DOCK2: variants seen among roughly 807,000 people sequenced by gnomAD.
DOCK2 encodes the protein dedicator of cytokinesis protein 2.
In DOCK2, 87 loss-of-function variants were observed where a neutral mutation model predicts 248.9. The observed-to-expected ratio is 0.35, with a 90% confidence interval of 0.29 to 0.42. The LOEUF is 0.42. Among genes scored for constraint, DOCK2 ranks in the 10% least tolerant of loss-of-function variants. The probability of loss-of-function intolerance (pLI) is 1.00; values close to 1 mark genes in which losing one functional copy is unlikely to be tolerated. For synonymous variants in DOCK2, 805 were observed against 821.6 expected, an observed-to-expected ratio of 0.98 and a Z score of 0.35; for missense variants, 1,747 against 2,300.2, an observed-to-expected ratio of 0.76 and a Z score of 4.92.
At chr5:169,995,772 A>T (rs1754598818) in intron 29 of DOCK2, among the ~76,000 whole-genome samples, 2 of 151,902 alleles carry the variant, frequency 1.3e-5, no homozygotes, top group Non-Finnish European at 2.9e-5. Context: ...TTGTTTGGGG[A>T]TGGGGGGGGT....
At chr5:170,008,102 C>A (rs1000431351) in intron 30 of DOCK2, among the ~76,000 whole-genome samples, 2 of 152,024 alleles carry the variant, frequency 1.3e-5, no homozygotes, top group Non-Finnish European at 2.9e-5. Flanking sequence ...CCCTTCGTCA[C>A]CCTCTAATTC....
At position 170,007,661 on chromosome 5, in the gene DOCK2, A is replaced by G. The variant is rs116613544; in HGVS notation, c.3073-836A>G. ...ATCAATATTGCCATCAGTGTGGCTA[A>G]TCTTTTGAGCAGTCACCATGTGCTG... On this transcript the variant is annotated intron_variant, in intron 30 of 51. Transcript: ENST00000520908. Among the ~76,000 whole-genome samples, 1,010 of 152,222 alleles carry G rather than the reference A, an allele frequency of 6.6e-3. 9 individuals carry two copies. The highest frequency in any genetic ancestry group is 0.041 in the Middle Eastern group (12 of 294).
intron 6 of DOCK2, among the ~76,000 whole-genome samples, chr5:169,681,349 C>T (rs186479688): frequency 2.9e-4 from 44 of 151,592 alleles, no homozygotes; most frequent in African/African-American, 1.0e-3. Context: ...GTCTTGAACT[C>T]CTGACCTCAG....
chr5:169,984,656 C>T (rs1018363422), intron 28 of DOCK2, among the ~76,000 whole-genome samples: 1 of 152,220 alleles, frequency 6.6e-6, no homozygotes, highest in Non-Finnish European at 1.5e-5. Context: ...CATGCACACA[C>T]GTGCGCACAC....
chr5:169,808,089 G>A (rs558077799), intron 26 of DOCK2, among the ~76,000 whole-genome samples: 5 of 152,182 alleles, frequency 3.3e-5, no homozygotes, highest in Admixed American at 6.5e-5. Context: ...CAGAGCAAAT[G>A]TTCTGGATTT....
At chr5:169,788,333 A>T (rs1175304175) in intron 25 of DOCK2, among the ~76,000 whole-genome samples, 1 of 148,034 alleles carries the variant, frequency 6.8e-6, no homozygotes, top group Non-Finnish European at 1.5e-5. Flanking sequence ...ACGCTCATGA[A>T]ACCTCCTCCC....
chr5:169,974,033 C>G (rs1162343111), intron 27 of DOCK2, among the ~76,000 whole-genome samples: 1 of 152,164 alleles, frequency 6.6e-6, no homozygotes, highest in Non-Finnish European at 1.5e-5. Flanking sequence ...TTCCTTTCTT[C>G]ATTGACTTTT....
At chr5:169,889,716 T>A (rs1773176331) in intron 27 of DOCK2, among the ~76,000 whole-genome samples, 1 of 152,260 alleles carries the variant, frequency 6.6e-6, no homozygotes, top group African/African-American at 2.4e-5. Flanking sequence ...TCTGCCATTG[T>A]GGCAAGAAAT....
chr5:169,718,579 G>T, intron 21 of DOCK2, 78 bp from the exon 22 acceptor site: 7 of 1,512,662 alleles, frequency 4.6e-6, no homozygotes, highest in Non-Finnish European at 5.4e-6. Context: ...ACCTTTGATT[G>T]AATGCCTTAT....
chr5:169,939,018 C>G (rs1776115540), intron 27 of DOCK2, among the ~76,000 whole-genome samples: 1 of 151,722 alleles, frequency 6.6e-6, no homozygotes, highest in African/African-American at 2.4e-5. Context: ...ATTCTCCTAC[C>G]TTAGCCTCGG....
At position 170,067,614 on chromosome 5, in the gene DOCK2, C is replaced by A. The variant is rs746921027; in HGVS notation, c.4572C>A (p.Ile1524=). 5 of 1,614,210 alleles carry A rather than the reference C, an allele frequency of 3.1e-6. No homozygotes were observed. Among genetic ancestry groups the A allele is most frequent in the Non-Finnish European group, 4.2e-6 (5 of 1,180,034 alleles). The part of the protein sequence containing the change: ...NQYQSDETLP[I]NPLSMLLNGI... ...ACCAGAGTGATGAGACCCTCCCCATCAACCCACTCTCCATGCTCCTGAACG... is the reference window on the plus strand; with the variant it reads ...ACCAGAGTGATGAGACCCTCCCCATAAACCCACTCTCCATGCTCCTGAACG... Residue 1524 remains isoleucine, a synonymous_variant, in exon 45 of 52, where the codon ATC becomes ATA. Coordinates refer to ENST00000520908, the MANE Select transcript of DOCK2 (RefSeq NM_004946.3).
At chr5:170,018,171 A>G (rs1328804097) in intron 32 of DOCK2, among the ~76,000 whole-genome samples, 1 of 152,168 alleles carries the variant, frequency 6.6e-6, no homozygotes, top group Non-Finnish European at 1.5e-5. Context: ...TAAGGGTGGG[A>G]GGTGTAGAGA....
intron 25 of DOCK2, among the ~76,000 whole-genome samples, chr5:169,778,194 T>C (rs1249645316): frequency 6.6e-6 from 1 of 152,174 alleles, no homozygotes; most frequent in East Asian, 1.9e-4. Flanking sequence ...GAGAACCATA[T>C]ATCATTACCT....
At chr5:169,699,207 A>G (rs570737071) in intron 11 of DOCK2, among the ~76,000 whole-genome samples, 175 bp from the exon 12 acceptor site, 33 of 152,194 alleles carry the variant, frequency 2.2e-4, no homozygotes, top group Non-Finnish European at 3.5e-4. Context: ...TCAGAGCCAC[A>G]TTGCTTTGTG....
chr5:169,797,486 C>G (rs113587958), intron 25 of DOCK2, among the ~76,000 whole-genome samples: 2,146 of 152,376 alleles, frequency 0.014, 26 homozygotes, highest in Middle Eastern at 0.048. Context: ...GTAGGTAGCA[C>G]TGACCGCCAC....
chr5:169,928,921 G>T (rs1369185443), intron 27 of DOCK2, among the ~76,000 whole-genome samples: 1 of 152,184 alleles, frequency 6.6e-6, no homozygotes, highest in African/African-American at 2.4e-5. Flanking sequence ...GGAATAATTA[G>T]CAGATAACTG....
intron 23 of DOCK2, among the ~76,000 whole-genome samples, chr5:169,750,795 G>A (rs916577650): frequency 1.2e-4 from 18 of 152,232 alleles, no homozygotes; most frequent in South Asian, 4.1e-4. Flanking sequence ...AAAAGTTATC[G>A]AAGAAGAATT....
chr5:169,883,915 G>A (rs540468410), intron 27 of DOCK2: 8 of 1,478,764 alleles, frequency 5.4e-6, no homozygotes, highest in Middle Eastern at 1.8e-4. Flanking sequence ...TCAGTGGGAA[G>A]GATCAGGACC....
chr5:170,076,061 AAGG>A lies in DOCK2; in HGVS notation c.4846_4848del (p.Glu1616del). 1 of 1,614,094 alleles carries A rather than the reference AAGG, an allele frequency of 6.2e-7. No individual in the cohort carries two copies. Among genetic ancestry groups the A allele is most frequent in the African/African-American group, 1.3e-5 (1 of 75,024 alleles). ...CAAGAACCTGAAAATGAAGGTGGAGAAGGAGTACGGTGTCCGAGAGATGGTATG... is the reference window on the plus strand; with the variant it reads ...CAAGAACCTGAAAATGAAGGTGGAGAAGTACGGTGTCCGAGAGATGGTATG... On this transcript the variant is annotated inframe_deletion, in exon 47 of 52. Transcript: ENST00000520908.
Sources: allele counts gnomAD v4.1 joint callset (sites outside exome capture counted in the v4.1 genomes callset), GRCh38; gene constraint gnomAD v4.1.1; transcripts MANE v1.5; gene names NCBI Gene and HGNC (gene_info 2026-07-23, HGNC 2026-07-21).